The following TRIM26 variants were observed in gnomAD, a reference collection of about 807,000 sequenced individuals.
TRIM26 encodes the protein tripartite motif containing 26.
TRIM26 carries 16 observed loss-of-function variants against 45.5 expected under a neutral mutation model. The ratio of observed to expected loss-of-function variants is 0.35; its 90% CI spans 0.24 to 0.53. The LOEUF is 0.53. Among genes scored for constraint, TRIM26 ranks in the 20% least tolerant of loss-of-function variants. The probability of loss-of-function intolerance (pLI) is 0.92; values close to 1 mark genes in which losing one functional copy is unlikely to be tolerated. For missense variants in TRIM26, 442 were observed against 691.1 expected (o/e 0.64, Z 4.04); for synonymous variants, 273 against 290.4 (o/e 0.94, Z 0.61).
In TRIM26 at chr6:30,189,790, A is replaced by C; in HGVS notation, c.788+223T>G. 1 of 644,466 alleles carries C rather than the reference A, an allele frequency of 1.6e-6. No homozygotes were observed. The highest frequency in any genetic ancestry group is 2.0e-5 in the South Asian group (1 of 50,996). The allele number at this position is 644,466 out of a possible 1,614,324, so 39.9% of individuals were successfully genotyped here. On this transcript the variant is annotated intron_variant, in intron 7 of 9. Transcript: ENST00000454678. This position sits in a 1 kb window ranked among gnomAD's most constrained non-coding sequence, Gnocchi z 5.0. ...GCTCTGTCCCACCTCAAATAAGGCC[A>C]GTGGGCCAAGGAGCTGGGGCTACAC...
chr6:30,190,494 G>T lies in TRIM26; in HGVS notation c.766-459C>A. On this transcript the variant is annotated intron_variant, in intron 6 of 9. Coordinates refer to ENST00000454678, the MANE Select transcript of TRIM26 (RefSeq NM_003449.5). This position sits in a 1 kb window ranked among gnomAD's most constrained non-coding sequence, Gnocchi z 4.3. ...ATCCGCTCTACATGTGGCTGAGACTGCTGTGTAACCTCCAGAGTCCACTCT... is the reference window on the plus strand; with the variant it reads ...ATCCGCTCTACATGTGGCTGAGACTTCTGTGTAACCTCCAGAGTCCACTCT... 1 of 168,098 alleles carries T rather than the reference G, an allele frequency of 5.9e-6. No individual in the cohort carries two copies. Among genetic ancestry groups the T allele is most frequent in the Non-Finnish European group, 1.3e-5 (1 of 77,098 alleles). The allele number at this position is 168,098 out of a possible 1,614,324, so 10.4% of individuals were successfully genotyped here.
chr6:30,190,072 A>T lies in TRIM26; in HGVS notation c.766-37T>A. On this transcript the variant is annotated intron_variant, in intron 6 of 9. Coordinates refer to ENST00000454678, the MANE Select transcript of TRIM26 (RefSeq NM_003449.5). This position sits in a 1 kb window ranked among gnomAD's most constrained non-coding sequence, Gnocchi z 4.3. The stretch of plus-strand genomic sequence containing the variant: ...AGAAAAAAGCACAAGTATCAATATG[A>T]ATCAAATAAGACTTCAATGCATCTG... 6.2e-7 allele frequency: 1 copy of T among 1,611,400 alleles called. No individual in the cohort carries two copies. Among genetic ancestry groups the T allele is most frequent in the Non-Finnish European group, 8.5e-7 (1 of 1,178,776 alleles).
intron 6 of TRIM26, among the ~76,000 whole-genome samples, chr6:30,193,307 G>A (rs1367225226): frequency 2.0e-5 from 3 of 148,938 alleles, no homozygotes; most frequent in Non-Finnish European, 4.5e-5. Flanking sequence ...TCAGCCTCCC[G>A]AGTAGCTGGG....
chr6:30,187,377 C>A, intron 9 of TRIM26: 1 of 371,902 alleles, frequency 2.7e-6, no homozygotes, highest in Non-Finnish European at 5.5e-6. Context: ...CTCCTGAAGA[C>A]CAACCTGAAG....
In TRIM26 at chr6:30,185,895, C is replaced by T. The variant is rs773245215; in HGVS notation, c.1601G>A (p.Arg534His). Residue 534 changes from arginine to histidine, a missense_variant, in exon 10 of 10, where the codon CGC becomes CAC. Arg to His is a conservative substitution (Grantham distance 29). Coordinates refer to ENST00000454678, the MANE Select transcript of TRIM26 (RefSeq NM_003449.5). The surrounding 1 kb of genome is among the most constrained non-coding windows in gnomAD (Gnocchi z 5.7). Reference sequence around the variant, plus strand: ...CAGGGCTCAGGGTCTTAGCAGGAGGCGTGTTCCTGGCCACTTGAGCCACAG... The same window carrying T: ...CAGGGCTCAGGGTCTTAGCAGGAGGTGTGTTCCTGGCCACTTGAGCCACAG... The part of the protein sequence containing the change: ...PFLWLKWPGT[R>H]LLLRP 30 of 1,612,166 alleles carry T rather than the reference C, an allele frequency of 1.9e-5. No individual in the cohort carries two copies. Among genetic ancestry groups the T allele is most frequent in the Non-Finnish European group, 2.5e-5 (29 of 1,179,638 alleles).
At chr6:30,205,110 G>A (rs370252764) in intron 1 of TRIM26, among the ~76,000 whole-genome samples, 1 of 152,120 alleles carries the variant, frequency 6.6e-6, no homozygotes, top group East Asian at 1.9e-4. Flanking sequence ...GTGTGGTGGC[G>A]CATGCCTATA....
intron 1 of TRIM26, among the ~76,000 whole-genome samples, chr6:30,213,027 C>T (rs1778448680): frequency 6.6e-6 from 1 of 152,140 alleles, no homozygotes; most frequent in Non-Finnish European, 1.5e-5. Flanking sequence ...ATCCAGGCCC[C>T]GCTTACTTCT....
In TRIM26 at chr6:30,186,288, T is replaced by A. The variant is rs139962336; in HGVS notation, c.1208A>T (p.Tyr403Phe). The A allele has an allele frequency of 6.2e-5, 100 of 1,608,368 alleles. No homozygotes were observed. The African/African-American group carries it at 1.3e-3, about 20-fold the overall frequency. Reference sequence around the variant, plus strand: ...TTCCCAGTCGTCATATCCATCCCCATAGCCGGCCTCCTCTTCCTCCTCCTC... The same window carrying A: ...TTCCCAGTCGTCATATCCATCCCCAAAGCCGGCCTCCTCTTCCTCCTCCTC... ...EEEEEEEEAG[Y>F]GDGYDDWETD... The change falls in exon 10 of 10, where the codon TAT becomes TTT. Residue 403 changes from tyrosine (Y) to phenylalanine (F), a missense_variant. Transcript: ENST00000454678. The surrounding 1 kb of genome is among the most constrained non-coding windows in gnomAD (Gnocchi z 7.4).
At chr6:30,208,901 AAT>A (rs1491412317) in intron 1 of TRIM26, among the ~76,000 whole-genome samples, 73 of 106,104 alleles carry the variant, frequency 6.9e-4, no homozygotes, top group Middle Eastern at 8.8e-3. Context: ...TGGGATATAG[AAT>A]ATGTGTGTGT....
In TRIM26 at chr6:30,196,239, AATG is replaced by A. The variant is rs1289917319; in HGVS notation, c.765+274_765+276del. Among the ~76,000 whole-genome samples, 1 of 152,224 alleles carries A rather than the reference AATG, an allele frequency of 6.6e-6. No individual in the cohort carries two copies. The highest frequency in any genetic ancestry group is 1.5e-5 in the Non-Finnish European group (1 of 68,040). On this transcript the variant is annotated intron_variant, in intron 6 of 9. Coordinates refer to ENST00000454678, the MANE Select transcript of TRIM26 (RefSeq NM_003449.5). The surrounding 1 kb of genome is among the most constrained non-coding windows in gnomAD (Gnocchi z 4.9). ...GCAGTGATGAGGATGGAGGATGGTA[AATG>A]ATATTAATAATCTTCCCTTCCATTT...
rs1308529622 is a variant in TRIM26 at position 30,196,002 on chromosome 6, A to G, written c.765+514T>C. On this transcript the variant is annotated intron_variant, in intron 6 of 9. Coordinates refer to ENST00000454678, the MANE Select transcript of TRIM26 (RefSeq NM_003449.5). The surrounding 1 kb of genome is among the most constrained non-coding windows in gnomAD (Gnocchi z 4.9). ...CCCGAGGCCCCCTTGTCTGCTTTCC[A>G]TCTTGTTCTCTGTGTGGTAATCCCA... is the stretch of plus-strand genomic sequence containing the variant. Among the ~76,000 whole-genome samples, 1 of 152,080 alleles carries G rather than the reference A, an allele frequency of 6.6e-6. No individual in the cohort carries two copies. The highest frequency in any genetic ancestry group is 1.9e-4 in the East Asian group (1 of 5,160).
chr6:30,186,865 G>C lies in TRIM26; in HGVS notation c.938-307C>G. The C allele has an allele frequency of 2.4e-6, 2 of 821,322 alleles. No individual in the cohort carries two copies. Among genetic ancestry groups the C allele is most frequent in the East Asian group, 2.6e-5 (1 of 37,840 alleles). The allele number at this position is 821,322 out of a possible 1,614,324, so 50.9% of individuals were successfully genotyped here. A position where few individuals can be genotyped will look rare whatever the true frequency, so the allele number is the denominator to read the frequency against. On this transcript the variant is annotated intron_variant, in intron 9 of 9. Coordinates refer to ENST00000454678, the MANE Select transcript of TRIM26 (RefSeq NM_003449.5). This position sits in a 1 kb window ranked among gnomAD's most constrained non-coding sequence, Gnocchi z 7.4. The stretch of plus-strand genomic sequence containing the variant: ...AGCTTCCTCTATCTCTGGATCTCTG[G>C]GTCCAACTCATCATTAATATCATCC...
intron 1 of TRIM26, among the ~76,000 whole-genome samples, chr6:30,212,903 G>A (rs1778422833): frequency 1.5e-5 from 2 of 132,334 alleles, no homozygotes; most frequent in South Asian, 2.5e-4. Context: ...GGCTAAACCG[G>A]TTTACTCCGA....
chr6:30,189,441 T>A lies in TRIM26; in HGVS notation c.881A>T (p.Gln294Leu). The change falls in exon 8 of 10, where the codon CAA (glutamine) becomes CTA (leucine). Residue 294 changes from glutamine to leucine, a missense_variant. By Grantham distance (113) the Gln-to-Leu change is moderately radical (BLOSUM62 -2). Coordinates refer to ENST00000454678, the MANE Select transcript of TRIM26 (RefSeq NM_003449.5). The surrounding 1 kb of genome is among the most constrained non-coding windows in gnomAD (Gnocchi z 5.0). ...GEFSDKLLSLQRGLREFQGKL... is the reference protein window; with the variant it reads ...GEFSDKLLSLLRGLREFQGKL... Reference sequence around the variant, plus strand: ...ACCCTGGAATTCCCTCAGGCCTCGTTGCAGAGAGAGGAGTTTATCTGAGAA... The same window carrying A: ...ACCCTGGAATTCCCTCAGGCCTCGTAGCAGAGAGAGGAGTTTATCTGAGAA... The A allele has an allele frequency of 1.2e-6, 2 of 1,613,074 alleles. No individual in the cohort carries two copies. The highest frequency in any genetic ancestry group is 8.5e-7 in the Non-Finnish European group (1 of 1,180,026).
chr6:30,210,093 T>C (rs1778126966), intron 1 of TRIM26, among the ~76,000 whole-genome samples: 1 of 150,960 alleles, frequency 6.6e-6, no homozygotes, highest in Admixed American at 6.6e-5. Flanking sequence ...TAGTCCTAGC[T>C]ACTCGGGAGG....
chr6:30,210,252 C>T (rs1364164399), intron 1 of TRIM26, among the ~76,000 whole-genome samples: 1 of 151,826 alleles, frequency 6.6e-6, no homozygotes, highest in Non-Finnish European at 1.5e-5. Context: ...GCCCTGCATC[C>T]GGCTAGCCCC....
In TRIM26 at chr6:30,190,108, T is replaced by C. The variant is rs575070836; in HGVS notation, c.766-73A>G. 6.8e-5 allele frequency: 103 copies of C among 1,517,446 alleles called. No individual in the cohort carries two copies. In the East Asian group the frequency reaches 2.1e-3, roughly 30 times the overall value. The allele number at this position is 1,517,446 out of a possible 1,614,324, so 94.0% of individuals were successfully genotyped here. On this transcript the variant is annotated intron_variant, in intron 6 of 9. Coordinates refer to ENST00000454678, the MANE Select transcript of TRIM26 (RefSeq NM_003449.5). This position sits in a 1 kb window ranked among gnomAD's most constrained non-coding sequence, Gnocchi z 4.3. ...ACTTCAATGCATCTGCACCCAACACTGTAGCAGAGATGGGACATATCAGTG... is the reference window on the plus strand; with the variant it reads ...ACTTCAATGCATCTGCACCCAACACCGTAGCAGAGATGGGACATATCAGTG...
At chr6:30,202,507 G>A (rs1441598365) in intron 2 of TRIM26, among the ~76,000 whole-genome samples, 1 of 152,228 alleles carries the variant, frequency 6.6e-6, no homozygotes, top group Non-Finnish European at 1.5e-5. Flanking sequence ...ACCTTCATAA[G>A]GAAGAGATCC....
At chr6:30,210,031 C>T (rs1410040441) in intron 1 of TRIM26, among the ~76,000 whole-genome samples, 1 of 151,692 alleles carries the variant, frequency 6.6e-6, no homozygotes, top group African/African-American at 2.4e-5. Flanking sequence ...ATGGTGAAAC[C>T]CAGCCTCTAC....
Sources: allele counts gnomAD v4.1 joint callset (sites outside exome capture counted in the v4.1 genomes callset), GRCh38; gene constraint gnomAD v4.1.1; non-coding constraint Gnocchi (gnomAD v3.1); transcripts MANE v1.5; gene names NCBI Gene and HGNC (gene_info 2026-07-23, HGNC 2026-07-21).